ATG7: variants seen among roughly 807,000 people sequenced by gnomAD.
ATG7 encodes the protein ubiquitin-like modifier-activating enzyme ATG7.
In ATG7, 70 loss-of-function variants were observed where a neutral mutation model predicts 82.4. The observed-to-expected ratio is 0.85, with a 90% CI of 0.70 to 1.04. The LOEUF is 1.04. ATG7 is among the 50% of genes least tolerant of loss of function. ATG7 has a pLI of 0.00. For synonymous variants in ATG7, 287 were observed against 313.0 expected, an observed-to-expected ratio of 0.92 and a Z score of 0.88; for missense variants, 792 against 864.3, an observed-to-expected ratio of 0.92 and a Z score of 1.05.
At chr3:11,408,441 C>A (rs1402305032) in intron 19 of ATG7, among the ~76,000 whole-genome samples, 2 of 152,236 alleles carry the variant, frequency 1.3e-5, no homozygotes, top group Non-Finnish European at 2.9e-5. Context: ...TTACCCAGTT[C>A]CATATTTGCT....
chr3:11,509,785 C>T (rs766776627), intron 20 of ATG7, among the ~76,000 whole-genome samples: 12 of 152,246 alleles, frequency 7.9e-5, no homozygotes, highest in East Asian at 1.9e-4. Flanking sequence ...GTAAATGTAC[C>T]GTTTGGTGCC....
intron 20 of ATG7, among the ~76,000 whole-genome samples, chr3:11,452,183 A>G (rs1215282007): frequency 6.6e-6 from 1 of 152,006 alleles, no homozygotes; most frequent in Non-Finnish European, 1.5e-5. Context: ...TCAGGCATTC[A>G]AGACCAGCCT....
chr3:11,392,164 T>G (rs986544997), intron 19 of ATG7, among the ~76,000 whole-genome samples: 5 of 152,176 alleles, frequency 3.3e-5, no homozygotes, highest in African/African-American at 1.2e-4. Context: ...TTAGCACAGA[T>G]GCAGGCTGGG....
intron 6 of ATG7, 99 bp from the exon 7 acceptor site, chr3:11,308,885 A>G: frequency 1.8e-6 from 2 of 1,126,648 alleles, no homozygotes; most frequent in East Asian, 2.4e-5. Context: ...GGCCTGTAGG[A>G]AAGAAGAGCC....
chr3:11,277,638 T>C (rs1027266913), intron 1 of ATG7, among the ~76,000 whole-genome samples: 1 of 152,174 alleles, frequency 6.6e-6, no homozygotes, highest in Non-Finnish European at 1.5e-5. Context: ...CACATGCTTC[T>C]GAGGAAACAG....
the ATG7 span, among the ~76,000 whole-genome samples, chr3:11,573,283 GAAAGAAAGA>G: frequency 7.4e-5 from 1 of 13,504 alleles, no homozygotes; most frequent in African/African-American, 3.4e-4. Flanking sequence ...AAGAAAGAAA[GAAAGAAAGA>G]AAGAAAGAAA....
intron 13 of ATG7, among the ~76,000 whole-genome samples, chr3:11,344,595 G>A (rs1049755569): frequency 2.6e-5 from 4 of 152,124 alleles, no homozygotes; most frequent in African/African-American, 7.2e-5. Flanking sequence ...GGCCGGGCAC[G>A]GTGGCTCACA....
intron 20 of ATG7, among the ~76,000 whole-genome samples, chr3:11,457,325 C>A (rs559161152): frequency 8.5e-5 from 13 of 152,256 alleles, no homozygotes; most frequent in Non-Finnish European, 1.6e-4. Context: ...CTGCTGTGAA[C>A]TGAGTGGTGT....
chr3:11,339,446 C>A (rs998652283), intron 11 of ATG7, among the ~76,000 whole-genome samples: 2 of 151,996 alleles, frequency 1.3e-5, no homozygotes, highest in African/African-American at 4.8e-5. Flanking sequence ...GGAGGTGATG[C>A]TGGAAGTGTA....
At chr3:11,274,625 A>G (rs1357370595) in intron 1 of ATG7, among the ~76,000 whole-genome samples, 3 of 152,186 alleles carry the variant, frequency 2.0e-5, no homozygotes, top group Non-Finnish European at 2.9e-5. Context: ...CCTGTGGACA[A>G]TAGCATGTTA....
chr3:11,350,677 A>C (rs1471165372), intron 14 of ATG7, among the ~76,000 whole-genome samples: 2 of 152,152 alleles, frequency 1.3e-5, no homozygotes, highest in African/African-American at 4.8e-5. Flanking sequence ...ACCAAGCCCA[A>C]AGTCAATGAC....
intron 1 of ATG7, among the ~76,000 whole-genome samples, chr3:11,273,440 T>G (rs1940970084): frequency 6.6e-6 from 1 of 152,188 alleles, no homozygotes; most frequent in Non-Finnish European, 1.5e-5. Flanking sequence ...TTCAGGCTCT[T>G]GGAATCACCC....
At chr3:11,418,896 G>A (rs1381502702) in intron 19 of ATG7, among the ~76,000 whole-genome samples, 1 of 151,970 alleles carries the variant, frequency 6.6e-6, no homozygotes, top group Admixed American at 6.5e-5. Flanking sequence ...AGCAAAGGGG[G>A]AAGTGCCACT....
chr3:11,488,658 C>T (rs1267079689), intron 20 of ATG7, among the ~76,000 whole-genome samples: 1 of 152,182 alleles, frequency 6.6e-6, no homozygotes, highest in Non-Finnish European at 1.5e-5. Context: ...GACCTCCTCT[C>T]AAGATGTGAA....
Position 11,331,325 on chromosome 3 carries a change from C to G in ATG7, c.679-15C>G. The G allele has an allele frequency of 6.3e-7, 1 of 1,591,476 alleles. No homozygotes were observed. The highest frequency in any genetic ancestry group is 1.1e-5 in the South Asian group (1 of 90,428). On this transcript the variant is annotated splice_polypyrimidine_tract_variant and intron_variant, in intron 9 of 20. Transcript: ENST00000693202. ...ATGATACTCGACTTACTCAGAAAGT[C>G]TTTTTTGTTCACAGATAACAATTGG...
At chr3:11,325,050 C>T (rs1267809375) in intron 9 of ATG7, among the ~76,000 whole-genome samples, 1 of 152,118 alleles carries the variant, frequency 6.6e-6, no homozygotes, top group African/African-American at 2.4e-5. Context: ...GTTACAGTTA[C>T]CTACAGTATT....
chr3:11,415,522 A>G (rs2081297808), intron 19 of ATG7, among the ~76,000 whole-genome samples: 1 of 152,134 alleles, frequency 6.6e-6, no homozygotes, highest in Non-Finnish European at 1.5e-5. Flanking sequence ...TTTTTTCTTT[A>G]TACCCTTATC....
chr3:11,534,815 C>T (rs66488222), intron 20 of ATG7, among the ~76,000 whole-genome samples: 30,676 of 152,212 alleles, frequency 0.2, 3,279 homozygotes, highest in African/African-American at 0.26. Context: ...CTGCACAGCA[C>T]CCCTTCTACC....
the ATG7 span, among the ~76,000 whole-genome samples, chr3:11,570,250 C>T: frequency 6.6e-6 from 1 of 152,126 alleles, no homozygotes; most frequent in Non-Finnish European, 1.5e-5. Context: ...AAGAGACTCT[C>T]CATCACCTCG....
Sources: gnomAD v4.1 joint callset for allele counts (sites outside exome capture counted in the v4.1 genomes callset) on GRCh38, gnomAD v4.1.1 for gene constraint, MANE v1.5 for transcripts, NCBI Gene and HGNC (gene_info 2026-07-23, HGNC 2026-07-21) for gene names.